The following MAPKAPK3 variants were observed in gnomAD, a reference collection of about 807,000 sequenced individuals.
The protein encoded by MAPKAPK3 is MAP kinase-activated protein kinase 3.
In MAPKAPK3, 35 loss-of-function variants were observed where a neutral mutation model predicts 49.2. That is an observed-to-expected ratio of 0.71 (90% CI 0.54 to 0.94). MAPKAPK3 has a LOEUF of 0.94. MAPKAPK3 is among the 40% of genes least tolerant of loss of function. MAPKAPK3 has a pLI of 0.00. For synonymous variants in MAPKAPK3, 178 were observed against 188.7 expected (o/e 0.94, Z 0.46); for missense variants, 398 against 493.1 (o/e 0.81, Z 1.83).
intron 6 of MAPKAPK3, among the ~76,000 whole-genome samples, chr3:50,644,759 G>A (rs2033250387): frequency 6.6e-6 from 1 of 152,212 alleles, no homozygotes; most frequent in Non-Finnish European, 1.5e-5. Context: ...TTCTGGCTGT[G>A]GCCTGTGAGC....
chr3:50,635,787 T>G (rs1226579853), intron 2 of MAPKAPK3, among the ~76,000 whole-genome samples: 1 of 151,814 alleles, frequency 6.6e-6, no homozygotes, highest in African/African-American at 2.4e-5. Flanking sequence ...ATAGATTTAT[T>G]AAATCTACAA....
intron 2 of MAPKAPK3, among the ~76,000 whole-genome samples, chr3:50,632,049 C>A (rs1261229701): frequency 3.3e-5 from 5 of 152,236 alleles, no homozygotes; most frequent in Admixed American, 3.3e-4. Flanking sequence ...CTCAGCACTC[C>A]TGGCCCACAT....
rs149525535 is a variant in MAPKAPK3, at chr3:50,628,116, C to A, written c.219+10332C>A. The stretch of plus-strand genomic sequence containing the variant: ...TCTGATTCCTTTGTCATCACTGTGA[C>A]ATCTCCTCCAGGCGAGAGAGACCAG... On this transcript the variant is annotated intron_variant, in intron 2 of 10. Coordinates refer to ENST00000621469, the MANE Select transcript of MAPKAPK3 (RefSeq NM_001243925.2). Among the ~76,000 whole-genome samples the A allele has an allele frequency of 7.2e-4, 109 of 152,290 alleles. 2 individuals carry two copies. The highest frequency in any genetic ancestry group is 2.0e-3 in the African/African-American group (84 of 41,562).
At chr3:50,619,219 T>TA (rs962442511) in intron 2 of MAPKAPK3, among the ~76,000 whole-genome samples, 11 of 152,310 alleles carry the variant, frequency 7.2e-5, no homozygotes, top group Non-Finnish European at 1.0e-4. Context: ...TTACAGGACT[T>TA]ATTTAAGGCA....
Position 50,646,224 on chromosome 3 carries a change from C to T in MAPKAPK3, c.789C>T (p.Tyr263=), listed in dbSNP as rs187648751. The T allele has an allele frequency of 3.6e-4, 575 of 1,614,156 alleles. 3 individuals carry two copies. The Admixed American group carries it at 5.1e-3, about 14-fold the overall frequency. Residue 263 remains tyrosine, a synonymous_variant, in exon 8 of 11, where the codon TAC becomes TAT. Transcript: ENST00000621469. ...AGAGGAGGATTCGCCTGGGCCAGTA[C>T]GGCTTCCCCAATCCTGAGTGGTCAG... The part of the protein sequence containing the change: ...GMKRRIRLGQ[Y]GFPNPEWSEV...
In MAPKAPK3 at chr3:50,647,209, T is replaced by G. The variant is rs1576017874; in HGVS notation, c.996+6T>G. On this transcript the variant is annotated splice_donor_region_variant and intron_variant, in intron 10 of 10. Coordinates refer to ENST00000621469, the MANE Select transcript of MAPKAPK3 (RefSeq NM_001243925.2). ...ACCACTGGGACGAAGTCAAGGTGGGTGGGCTCTGCCTCAGTCTCAATACAG... is the reference window on the plus strand; with the variant it reads ...ACCACTGGGACGAAGTCAAGGTGGGGGGGCTCTGCCTCAGTCTCAATACAG... 1 of 1,578,610 alleles carries G rather than the reference T, an allele frequency of 6.3e-7. No individual in the cohort carries two copies. Among genetic ancestry groups the G allele is most frequent in the Non-Finnish European group, 8.6e-7 (1 of 1,161,826 alleles).
In MAPKAPK3 at chr3:50,641,816, G is replaced by T; in HGVS notation, c.424+45G>T. 5 of 1,520,666 alleles carry T rather than the reference G, an allele frequency of 3.3e-6. No homozygotes were observed. The South Asian group carries it at 5.6e-5, about 17-fold the overall frequency. 94.2% of individuals were successfully genotyped at this position (1,520,666 alleles called of 1,614,324 possible). ...CCAGCAGGAGGATTCAGGGTGAGAG[G>T]TATGGACCAGAGCGTTGTGTGTGAT... On this transcript the variant is annotated intron_variant, in intron 4 of 10. Transcript: ENST00000621469.
chr3:50,618,817 G>A (rs1196665437), intron 2 of MAPKAPK3, among the ~76,000 whole-genome samples: 5 of 152,220 alleles, frequency 3.3e-5, no homozygotes, highest in Admixed American at 1.3e-4. Context: ...AGCCTCCTGA[G>A]TAGCTGGGAC....
At chr3:50,611,876 C>T, upstream of MAPKAPK3, 1 of 557,760 alleles carries the variant, frequency 1.8e-6, no homozygotes, top group Non-Finnish European at 2.9e-6. Context: ...GCGTTCCAGC[C>T]CTTCCCGGAA....
chr3:50,637,288 C>A (rs1053345653), intron 2 of MAPKAPK3, among the ~76,000 whole-genome samples: 2 of 152,210 alleles, frequency 1.3e-5, no homozygotes, highest in African/African-American at 2.4e-5. Flanking sequence ...GTGAACTTGA[C>A]CTGCCTCTGC....
intron 2 of MAPKAPK3, among the ~76,000 whole-genome samples, chr3:50,639,390 T>TG (rs2033119908): frequency 6.6e-6 from 1 of 152,018 alleles, no homozygotes; most frequent in African/African-American, 2.4e-5. Context: ...GGAATGAGGG[T>TG]GGAGGCTGGG....
At chr3:50,636,110 C>CA (rs534137922) in intron 2 of MAPKAPK3, among the ~76,000 whole-genome samples, 7 of 149,326 alleles carry the variant, frequency 4.7e-5, no homozygotes, top group Non-Finnish European at 7.4e-5. Context: ...GATTCTGTCT[C>CA]AAAAAAAAAA....
intron 2 of MAPKAPK3, among the ~76,000 whole-genome samples, chr3:50,636,575 A>C (rs2033045517): frequency 6.6e-6 from 1 of 152,226 alleles, no homozygotes; most frequent in Non-Finnish European, 1.5e-5. Flanking sequence ...GCAATCATCA[A>C]AACTCATTGA....
chr3:50,623,622 C>T (rs2032664435), intron 2 of MAPKAPK3, among the ~76,000 whole-genome samples: 2 of 152,234 alleles, frequency 1.3e-5, no homozygotes, highest in Non-Finnish European at 2.9e-5. Context: ...CACAACAAGG[C>T]ACAGAATGAG....
chr3:50,630,123 T>A (rs2032865587), intron 2 of MAPKAPK3, among the ~76,000 whole-genome samples: 1 of 152,214 alleles, frequency 6.6e-6, no homozygotes, highest in African/African-American at 2.4e-5. Context: ...CAGAAGGGGC[T>A]GGCCTTCTCC....
At chr3:50,646,648 C>A in intron 8 of MAPKAPK3, 92 bp from the exon 9 acceptor site, 1 of 1,149,066 alleles carries the variant, frequency 8.7e-7, no homozygotes, top group Non-Finnish European at 1.3e-6. Flanking sequence ...CACATGCAGC[C>A]CCTGCCCCAG....
chr3:50,638,566 A>G (rs1343912369), intron 2 of MAPKAPK3, among the ~76,000 whole-genome samples: 2 of 152,186 alleles, frequency 1.3e-5, no homozygotes, highest in Non-Finnish European at 2.9e-5. Flanking sequence ...CAGAGCTGCT[A>G]GAGGGCTTGT....
rs1377334631 is a variant in MAPKAPK3, at chr3:50,617,755, C to T, written c.190C>T (p.Arg64Trp). The change falls in exon 2 of 11, where the codon CGG becomes TGG. Residue 64 changes from arginine to tryptophan, a missense_variant. By Grantham distance (101) the Arg-to-Trp change is moderately radical. Coordinates refer to ENST00000621469, the MANE Select transcript of MAPKAPK3 (RefSeq NM_001243925.2). The part of the protein sequence containing the change: ...VNGKVLECFH[R>W]RTGQKCALKL... ...CGGCAAAGTGCTGGAGTGCTTCCATCGGCGCACTGGACAGAAGTGTGCCCT... is the reference window on the plus strand; with the variant it reads ...CGGCAAAGTGCTGGAGTGCTTCCATTGGCGCACTGGACAGAAGTGTGCCCT... The T allele has an allele frequency of 1.9e-6, 3 of 1,613,590 alleles. No homozygotes were observed. The highest frequency in any genetic ancestry group is 2.5e-6 in the Non-Finnish European group (3 of 1,179,984).
At chr3:50,617,089 T>TGGG (rs2032482508), upstream of MAPKAPK3, 1 of 6,342 alleles carries the variant, frequency 1.6e-4, no homozygotes. Context: ...GGGGGTGGAG[T>TGGG]GGGGGAGTGG....
Sources: allele counts gnomAD v4.1 joint callset (sites outside exome capture counted in the v4.1 genomes callset), GRCh38; gene constraint gnomAD v4.1.1; transcripts MANE v1.5; gene names NCBI Gene and HGNC (gene_info 2026-07-23, HGNC 2026-07-21).